Variants in PDE12 observed in about 807,000 individuals in gnomAD.
PDE12 encodes the protein phosphodiesterase 12.
PDE12 carries 26 observed loss-of-function variants against 45.4 expected under a neutral mutation model. The ratio of observed to expected loss-of-function variants is 0.57; its 90% CI spans 0.42 to 0.79. The LOEUF is 0.79. Ranked by LOEUF, PDE12 falls within the 30% of genes least tolerant of loss-of-function variation. The probability of loss-of-function intolerance (pLI) is 0.00; values close to 1 mark genes in which losing one functional copy is unlikely to be tolerated. For missense variants in PDE12, 668 were observed against 790.0 expected, an observed-to-expected ratio of 0.85 and a Z score of 1.85; for synonymous variants, 283 against 323.9, an observed-to-expected ratio of 0.87 and a Z score of 1.36.
chr3:57,583,020 G>C, the PDE12 span, among the ~76,000 whole-genome samples: 1 of 152,142 alleles, frequency 6.6e-6, no homozygotes, highest in African/African-American at 2.4e-5. Context: ...CCATCTAGTG[G>C]GTAGAGGACA....
At chr3:57,611,452 C>T in the PDE12 span, among the ~76,000 whole-genome samples, 2 of 152,082 alleles carry the variant, frequency 1.3e-5, no homozygotes, top group Non-Finnish European at 2.9e-5. Context: ...AGGCAACCTA[C>T]AGAATGGGAG....
chr3:57,656,352 G>A, the PDE12 span, among the ~76,000 whole-genome samples: 1 of 152,212 alleles, frequency 6.6e-6, no homozygotes, highest in Admixed American at 6.5e-5. Context: ...TGTATCAACT[G>A]TTCCTTCTTT....
the PDE12 span, among the ~76,000 whole-genome samples, chr3:57,634,184 G>C: frequency 9.9e-5 from 15 of 152,140 alleles, no homozygotes; most frequent in African/African-American, 3.6e-4. Context: ...TGTAATCCCA[G>C]GACTTTGGGA....
the PDE12 span, among the ~76,000 whole-genome samples, chr3:57,586,333 C>A: frequency 1.3e-5 from 2 of 152,112 alleles, no homozygotes; most frequent in Admixed American, 1.3e-4. Flanking sequence ...AAAAGCAATG[C>A]TAGTAAGTTA....
the PDE12 span, among the ~76,000 whole-genome samples, chr3:57,588,263 A>T: frequency 6.6e-6 from 1 of 152,216 alleles, no homozygotes; most frequent in South Asian, 2.1e-4. Flanking sequence ...ATAGCAGGAA[A>T]ACTACCTCAG....
chr3:57,645,988 C>T, the PDE12 span, among the ~76,000 whole-genome samples: 1 of 152,158 alleles, frequency 6.6e-6, no homozygotes, highest in African/African-American at 2.4e-5. Flanking sequence ...TCTGGCTCTA[C>T]TGTTCACTAG....
the PDE12 span, chr3:57,641,569 A>T: frequency 3.3e-6 from 4 of 1,225,772 alleles, no homozygotes; most frequent in Non-Finnish European, 4.5e-6. Flanking sequence ...TGCCATCAAC[A>T]TAAAAAATAA....
chr3:57,604,561 C>T, the PDE12 span, among the ~76,000 whole-genome samples: 1 of 138,684 alleles, frequency 7.2e-6, no homozygotes, highest in East Asian at 2.1e-4. Context: ...CTAGCCTGGA[C>T]AACAAAGCAA....
chr3:57,614,530 T>TG, the PDE12 span, among the ~76,000 whole-genome samples: 4 of 134,710 alleles, frequency 3.0e-5, no homozygotes, highest in Admixed American at 1.6e-4. Context: ...TCCGTTTTTT[T>TG]TTTTTTGTTT....
the PDE12 span, among the ~76,000 whole-genome samples, chr3:57,614,537 G>GTT: frequency 3.4e-3 from 320 of 95,014 alleles, 10 homozygotes; most frequent in East Asian, 9.8e-3. Context: ...TTTTTTTTTT[G>GTT]TTTTTTGTTT....
At chr3:57,648,651 A>G in the PDE12 span, among the ~76,000 whole-genome samples, 22 of 152,344 alleles carry the variant, frequency 1.4e-4, no homozygotes, top group Middle Eastern at 6.8e-3. Flanking sequence ...ACAGCATGGT[A>G]CTGGTATAAA....
At chr3:57,567,280 C>T (rs2069794539), downstream of PDE12, among the ~76,000 whole-genome samples, 1 of 151,176 alleles carries the variant, frequency 6.6e-6, no homozygotes, top group Non-Finnish European at 1.5e-5. Context: ...CCACTGCACT[C>T]TAGCCTGGGT....
chr3:57,613,038 T>A, the PDE12 span, among the ~76,000 whole-genome samples: 1 of 152,054 alleles, frequency 6.6e-6, no homozygotes, highest in Admixed American at 6.6e-5. Context: ...TGGAGTCCAG[T>A]GGCATGATCT....
At chr3:57,638,958 C>T in the PDE12 span, among the ~76,000 whole-genome samples, 7 of 151,972 alleles carry the variant, frequency 4.6e-5, no homozygotes, top group South Asian at 1.0e-3. Context: ...ATTAGCCAGG[C>T]GTGGTGGCGT....
chr3:57,560,296 T>C lies in PDE12; in HGVS notation c.*292T>C. The C allele has an allele frequency of 8.6e-7, 1 of 1,156,436 alleles. No homozygotes were observed. The highest frequency in any genetic ancestry group is 1.1e-6 in the Non-Finnish European group (1 of 938,152). The allele number at this position is 1,156,436 out of a possible 1,614,324, so 71.6% of individuals were successfully genotyped here. A position where few individuals can be genotyped will look rare whatever the true frequency, so the allele number is the denominator to read the frequency against. ...GACTCTCAGAAAAGGAAGATTGAAT[T>C]AGCGTGTTTTTTGTTTGTTTGTTTT... On this transcript the variant is annotated 3_prime_UTR_variant, in exon 3 of 3. Coordinates refer to ENST00000311180, the MANE Select transcript of PDE12 (RefSeq NM_177966.7).
At chr3:57,581,023 C>T in the PDE12 span, among the ~76,000 whole-genome samples, 3 of 152,118 alleles carry the variant, frequency 2.0e-5, no homozygotes, top group African/African-American at 7.2e-5. Flanking sequence ...AGCCTAGAAT[C>T]AAGAGTGAAG....
At chr3:57,580,158 G>A in the PDE12 span, among the ~76,000 whole-genome samples, 1 of 152,050 alleles carries the variant, frequency 6.6e-6, no homozygotes, top group Non-Finnish European at 1.5e-5. Context: ...GTGGTGGGAA[G>A]ACAGACTCAA....
chr3:57,651,045 A>G, the PDE12 span, among the ~76,000 whole-genome samples: 44 of 152,168 alleles, frequency 2.9e-4, no homozygotes, highest in Non-Finnish European at 2.9e-5. Context: ...TGGCCTCCCA[A>G]AGTGCTTGGA....
At chr3:57,583,878 A>G in the PDE12 span, 8 of 1,512,062 alleles carry the variant, frequency 5.3e-6, no homozygotes, top group Non-Finnish European at 6.4e-6. Context: ...AAAGTTATAA[A>G]AACATACAGT....
Sources: gnomAD v4.1 joint callset for allele counts (sites outside exome capture counted in the v4.1 genomes callset) on GRCh38, gnomAD v4.1.1 for gene constraint, MANE v1.5 for transcripts, NCBI Gene and HGNC (gene_info 2026-07-23, HGNC 2026-07-21) for gene names.